Variants in BCAS4 observed in about 807,000 individuals in gnomAD.
The protein encoded by BCAS4 is breast carcinoma amplified sequence 4, also known as breast carcinoma-amplified sequence 4.
In BCAS4, 9 loss-of-function variants were observed where a neutral mutation model predicts 15.7. That is an observed-to-expected ratio of 0.57 (90% CI 0.34 to 1.00). BCAS4 has a LOEUF of 1.00. Among genes scored for constraint, BCAS4 ranks in the 50% least tolerant of loss-of-function variants. BCAS4 has a pLI of 0.02. For synonymous variants in BCAS4, 101 were observed against 99.5 expected (o/e 1.02, Z -0.09); for missense variants, 225 against 239.1 (o/e 0.94, Z 0.39).
intron 4 of BCAS4, among the ~76,000 whole-genome samples, chr20:50,845,071 G>A (rs2088527420): frequency 6.6e-6 from 1 of 152,100 alleles, no homozygotes; most frequent in African/African-American, 2.4e-5. Context: ...CTGGTGTTGG[G>A]GCCGACTCTG....
chr20:50,818,900 A>G (rs992668688), intron 2 of BCAS4, among the ~76,000 whole-genome samples: 49 of 152,212 alleles, frequency 3.2e-4, no homozygotes, highest in Non-Finnish European at 6.8e-4. Context: ...TCGCCTCTAG[A>G]GGCTGGGTGC....
chr20:50,876,866 C>T lies in BCAS4; in HGVS notation c.*258C>T, dbSNP rs1054928373. The stretch of plus-strand genomic sequence containing the variant: ...GGCTGCTGCCATTTTCAAATTTCCT[C>T]CCTGCCTCATGTGAGACCACAGGGT... On this transcript the variant is annotated 3_prime_UTR_variant, in exon 5 of 5. Transcript: ENST00000371608. The T allele has an allele frequency of 7.2e-5, 22 of 305,762 alleles. No individual in the cohort carries two copies. The highest frequency in any genetic ancestry group is 1.2e-4 in the Non-Finnish European group (21 of 171,392). 18.9% of individuals were successfully genotyped at this position (305,762 alleles called of 1,614,324 possible). A position where few individuals can be genotyped will look rare whatever the true frequency, so the allele number is the denominator to read the frequency against.
intron 3 of BCAS4, among the ~76,000 whole-genome samples, chr20:50,831,005 A>G (rs935955609): frequency 7.9e-5 from 12 of 152,228 alleles, no homozygotes; most frequent in Non-Finnish European, 1.6e-4. Context: ...AGGCATAAAT[A>G]TACAATGTAT....
rs2087837279 is a variant in BCAS4, at chr20:50,795,141, G to T, written c.58G>T (p.Ala20Ser). The T allele has an allele frequency of 2.0e-6, 3 of 1,473,066 alleles. No homozygotes were observed. The South Asian group carries it at 3.9e-5, about 19-fold the overall frequency. The allele number at this position is 1,473,066 out of a possible 1,614,324, so 91.2% of individuals were successfully genotyped here. Residue 20 changes from alanine (A) to serine (S), a missense_variant, in exon 1 of 5, where the codon GCG becomes TCG. Physicochemically the swap from Ala to Ser is moderately conservative, Grantham distance 99 (BLOSUM62 1). Transcript: ENST00000371608. ...EPMRSGAREL[A>S]LFLTPEPGAE... ...CATGCGCAGCGGGGCGCGCGAGCTC[G>T]CGCTCTTCCTGACCCCCGAGCCTGG...
chr20:50,827,157 G>A (rs1600864755), intron 2 of BCAS4, among the ~76,000 whole-genome samples: 1 of 152,200 alleles, frequency 6.6e-6, no homozygotes, highest in Non-Finnish European at 1.5e-5. Context: ...CACATGGCAC[G>A]AGGTTGTCAC....
chr20:50,812,283 CTACCA>C (rs2088075915), intron 1 of BCAS4, among the ~76,000 whole-genome samples: 1 of 152,004 alleles, frequency 6.6e-6, no homozygotes. Flanking sequence ...CAGGCGCCCA[CTACCA>C]CGCCCGGCTA....
intron 4 of BCAS4, among the ~76,000 whole-genome samples, chr20:50,848,124 T>G (rs2088569818): frequency 6.6e-6 from 1 of 151,546 alleles, no homozygotes; most frequent in Non-Finnish European, 1.5e-5. Flanking sequence ...GGCATGGTAG[T>G]GCGTGCCTGT....
intron 1 of BCAS4, among the ~76,000 whole-genome samples, chr20:50,816,058 C>T (rs867025504): frequency 4.6e-5 from 7 of 151,986 alleles, no homozygotes; most frequent in Non-Finnish European, 8.8e-5. Context: ...ACAGATCTTG[C>T]TCTGTCTCCC....
chr20:50,847,137 C>A (rs1232769479), intron 4 of BCAS4, among the ~76,000 whole-genome samples: 1 of 150,246 alleles, frequency 6.7e-6, no homozygotes, highest in Non-Finnish European at 1.5e-5. Flanking sequence ...CCTGAAAAGC[C>A]AGCCGGTAGA....
intron 1 of BCAS4, among the ~76,000 whole-genome samples, chr20:50,796,857 G>T (rs549750085): frequency 3.4e-4 from 51 of 148,950 alleles, no homozygotes; most frequent in Non-Finnish European, 6.5e-4. Flanking sequence ...TTTTGACAGG[G>T]TTTCACTTTG....
At chr20:50,812,738 G>T (rs2088087076) in intron 1 of BCAS4, among the ~76,000 whole-genome samples, 1 of 151,910 alleles carries the variant, frequency 6.6e-6, no homozygotes, top group Non-Finnish European at 1.5e-5. Context: ...CCACACCCAG[G>T]CTTTTCAACT....
chr20:50,817,234 G>A (rs766406441), intron 1 of BCAS4, among the ~76,000 whole-genome samples: 8 of 151,936 alleles, frequency 5.3e-5, no homozygotes, highest in Admixed American at 6.6e-5. Flanking sequence ...CACTGCTCCC[G>A]GCCATGGACC....
At chr20:50,802,951 G>T (rs1042583937) in intron 1 of BCAS4, among the ~76,000 whole-genome samples, 3 of 152,040 alleles carry the variant, frequency 2.0e-5, no homozygotes, top group Non-Finnish European at 4.4e-5. Flanking sequence ...GGAGGCTGAG[G>T]CAGGCAATCA....
intron 3 of BCAS4, among the ~76,000 whole-genome samples, chr20:50,830,792 G>A (rs2088334259): frequency 6.6e-6 from 1 of 152,152 alleles, no homozygotes; most frequent in Non-Finnish European, 1.5e-5. Context: ...CATGGCTACT[G>A]TGAGCATTGA....
At chr20:50,801,580 A>G (rs6020755) in intron 1 of BCAS4, among the ~76,000 whole-genome samples, 1,908 of 152,184 alleles carry the variant, frequency 0.013, 41 homozygotes, top group African/African-American at 0.043. Flanking sequence ...GGCTCAAGCA[A>G]TCTGCCCACC....
chr20:50,821,392 T>C (rs2088215250), intron 2 of BCAS4, among the ~76,000 whole-genome samples: 1 of 152,246 alleles, frequency 6.6e-6, no homozygotes, highest in Admixed American at 6.5e-5. Flanking sequence ...GGGCACGCTG[T>C]GCCAATGCCA....
chr20:50,796,476 TA>T (rs1569013208), intron 1 of BCAS4, among the ~76,000 whole-genome samples: 33 of 13,882 alleles, frequency 2.4e-3, no homozygotes, highest in African/African-American at 7.1e-3. Context: ...TATATATATA[TA>T]TATATATATA....
intron 4 of BCAS4, chr20:50,875,973 A>G (rs779100515): frequency 2.2e-6 from 1 of 455,748 alleles, no homozygotes; most frequent in Non-Finnish European, 4.4e-6. Context: ...CTTCCCCGAG[A>G]CATTGTCTCA....
intron 3 of BCAS4, among the ~76,000 whole-genome samples, chr20:50,837,898 G>A (rs750210530): frequency 1.3e-5 from 2 of 152,220 alleles, no homozygotes; most frequent in African/African-American, 2.4e-5. Flanking sequence ...CATATGTGCT[G>A]GCTGAGCCAG....
Sources: allele counts gnomAD v4.1 joint callset (sites outside exome capture counted in the v4.1 genomes callset), GRCh38; gene constraint gnomAD v4.1.1; transcripts MANE v1.5; gene names NCBI Gene and HGNC (gene_info 2026-07-23, HGNC 2026-07-21).